CHN1: variants seen among roughly 807,000 people sequenced by gnomAD.
The protein encoded by CHN1 is chimerin 1.
CHN1 carries 37 observed loss-of-function variants against 59.5 expected under a neutral mutation model. The observed-to-expected ratio is 0.62, with a 90% CI of 0.48 to 0.82. The LOEUF (loss-of-function observed/expected upper bound fraction) is 0.82, where lower values mean the gene tolerates loss of function less well. CHN1 is among the 40% of genes least tolerant of loss of function. CHN1 has a pLI of 0.00. For synonymous variants in CHN1, 206 were observed against 200.4 expected, an observed-to-expected ratio of 1.03 and a Z score of -0.24; for missense variants, 469 against 571.0, an observed-to-expected ratio of 0.82 and a Z score of 1.82.
At chr2:174,983,707 A>C (rs1691239714) in intron 1 of CHN1, among the ~76,000 whole-genome samples, 1 of 152,154 alleles carries the variant, frequency 6.6e-6, no homozygotes, top group Non-Finnish European at 1.5e-5. Flanking sequence ...ATGCGCCTGT[A>C]GTCCCAGCTG....
chr2:174,850,280 T>C (rs964295185), intron 6 of CHN1, among the ~76,000 whole-genome samples: 2 of 152,194 alleles, frequency 1.3e-5, no homozygotes, highest in Admixed American at 6.5e-5. Flanking sequence ...ACACCTTGAA[T>C]CTAGCATAGC....
intron 5 of CHN1, among the ~76,000 whole-genome samples, chr2:174,897,107 G>A (rs1688240291): frequency 6.6e-6 from 1 of 152,062 alleles, no homozygotes. Context: ...GGCAAAATTT[G>A]GGTATAAAAT....
chr2:174,857,279 T>G (rs1686933433), intron 6 of CHN1, among the ~76,000 whole-genome samples: 1 of 152,170 alleles, frequency 6.6e-6, no homozygotes, highest in East Asian at 1.9e-4. Context: ...CTCCCCTCAC[T>G]TTAGGTCTGT....
At chr2:174,969,419 C>T (rs557839729) in intron 1 of CHN1, among the ~76,000 whole-genome samples, 16 of 152,222 alleles carry the variant, frequency 1.1e-4, no homozygotes, top group South Asian at 2.1e-4. Context: ...ACCAATTTTT[C>T]AGAAACACTG....
chr2:174,942,494 T>C (rs1166153496), intron 3 of CHN1, among the ~76,000 whole-genome samples: 1 of 152,050 alleles, frequency 6.6e-6, no homozygotes, highest in Non-Finnish European at 1.5e-5. Flanking sequence ...CAGTGGTATC[T>C]AGAGGCTGGG....
intron 5 of CHN1, among the ~76,000 whole-genome samples, chr2:174,890,059 A>C (rs550440891): frequency 2.6e-5 from 4 of 152,242 alleles, no homozygotes; most frequent in Non-Finnish European, 4.4e-5. Flanking sequence ...AAATGGCAAT[A>C]GTAAGTCCTC....
chr2:174,942,391 A>G (rs749024875), intron 3 of CHN1, among the ~76,000 whole-genome samples: 6 of 152,170 alleles, frequency 3.9e-5, no homozygotes, highest in Non-Finnish European at 5.9e-5. Flanking sequence ...ACATTATGTT[A>G]AATGAAATAA....
intron 3 of CHN1, among the ~76,000 whole-genome samples, chr2:174,919,932 AC>A (rs1373382465): frequency 6.6e-6 from 1 of 152,014 alleles, no homozygotes; most frequent in Non-Finnish European, 1.5e-5. Context: ...CTGAATTCCC[AC>A]CCCAACCACG....
intron 1 of CHN1, among the ~76,000 whole-genome samples, chr2:175,003,244 C>T (rs1281812946): frequency 6.6e-6 from 1 of 152,212 alleles, no homozygotes; most frequent in Non-Finnish European, 1.5e-5. Flanking sequence ...CTGTAACAAA[C>T]TGGATTTTGG....
At chr2:174,950,583 C>T (rs1027999452) in intron 2 of CHN1, among the ~76,000 whole-genome samples, 2 of 151,738 alleles carry the variant, frequency 1.3e-5, no homozygotes, top group African/African-American at 2.4e-5. Flanking sequence ...GCAAGACATG[C>T]GAGATATGTG....
intron 5 of CHN1, among the ~76,000 whole-genome samples, chr2:174,912,008 G>A (rs949441053): frequency 6.6e-5 from 10 of 152,132 alleles, no homozygotes; most frequent in Admixed American, 3.9e-4. Context: ...AAATAAGATC[G>A]TTGGTTTCGG....
chr2:174,932,820 A>G (rs887310539), intron 3 of CHN1, among the ~76,000 whole-genome samples: 2 of 152,164 alleles, frequency 1.3e-5, no homozygotes, highest in Admixed American at 1.3e-4. Context: ...CATGAATAAA[A>G]GTTTCCTGAG....
At chr2:174,984,109 T>C (rs1574242893) in intron 1 of CHN1, among the ~76,000 whole-genome samples, 1 of 151,440 alleles carries the variant, frequency 6.6e-6, no homozygotes, top group African/African-American at 2.4e-5. Context: ...TGGAAAAAAA[T>C]AACTAGAAAT....
intron 8 of CHN1, among the ~76,000 whole-genome samples, chr2:174,812,697 C>T (rs995630277): frequency 2.0e-5 from 3 of 151,896 alleles, no homozygotes; most frequent in Admixed American, 6.6e-5. Context: ...CTAGCTCACG[C>T]TTCATCGTTT....
chr2:174,884,826 C>T (rs796727925), intron 5 of CHN1, among the ~76,000 whole-genome samples: 6 of 152,070 alleles, frequency 3.9e-5, no homozygotes, highest in Non-Finnish European at 5.9e-5. Flanking sequence ...CCTATGAGTC[C>T]TTAAGAATCG....
Position 174,801,774 on chromosome 2 carries a change from C to T in CHN1, c.1141G>A (p.Glu381Lys). ...GCAGGTGGCAGTAGTTTCAGTGCTTCATGAAGGGTTTCCAATTGCTCATCC... is the reference window on the plus strand; with the variant it reads ...GCAGGTGGCAGTAGTTTCAGTGCTTTATGAAGGGTTTCCAATTGCTCATCC... The part of the protein sequence containing the change: ...DPDEQLETLH[E>K]ALKLLPPAHC... Residue 381 changes from glutamate to lysine, a missense_variant, in exon 12 of 13, where the codon GAA becomes AAA. Coordinates refer to ENST00000409900, the MANE Select transcript of CHN1 (RefSeq NM_001822.7). The T allele has an allele frequency of 6.2e-7, 1 of 1,613,348 alleles. No homozygotes were observed.
At chr2:174,898,974 T>C (rs1397942705) in intron 5 of CHN1, among the ~76,000 whole-genome samples, 3 of 152,320 alleles carry the variant, frequency 2.0e-5, no homozygotes, top group Middle Eastern at 3.4e-3. Context: ...TTAGTTATTT[T>C]TATGGAGATT....
chr2:174,886,893 G>A (rs1687912101), intron 5 of CHN1, among the ~76,000 whole-genome samples: 1 of 152,146 alleles, frequency 6.6e-6, no homozygotes, highest in Non-Finnish European at 1.5e-5. Context: ...CATTGCAAGT[G>A]CACAATTCAA....
chr2:174,989,537 C>T (rs988592500), intron 1 of CHN1, among the ~76,000 whole-genome samples: 49 of 151,986 alleles, frequency 3.2e-4, no homozygotes, highest in African/African-American at 1.2e-3. Flanking sequence ...TGAAGAATTA[C>T]ACTTTGAAGG....
Sources: gnomAD v4.1 joint callset for allele counts (sites outside exome capture counted in the v4.1 genomes callset) on GRCh38, gnomAD v4.1.1 for gene constraint, MANE v1.5 for transcripts, NCBI Gene and HGNC (gene_info 2026-07-23, HGNC 2026-07-21) for gene names.